Variants in FER1L6 observed in about 807,000 individuals in gnomAD.
FER1L6 encodes fer-1-like protein 6.
A neutral mutation model predicts 219.2 loss-of-function variants in FER1L6; 177 were observed. That is an observed-to-expected ratio of 0.81 (90% CI 0.71 to 0.91). The LOEUF (loss-of-function observed/expected upper bound fraction) is 0.91, where lower values mean the gene tolerates loss of function less well. FER1L6 is among the 40% of genes least tolerant of loss of function. FER1L6 has a pLI of 0.00. For synonymous variants in FER1L6, 768 were observed against 824.3 expected (o/e 0.93, Z 1.17); for missense variants, 2,153 against 2,259.9 (o/e 0.95, Z 0.96).
chr8:124,035,741 C>T (rs531040900), intron 19 of FER1L6, among the ~76,000 whole-genome samples: 5 of 152,160 alleles, frequency 3.3e-5, no homozygotes, highest in East Asian at 1.9e-4. Flanking sequence ...GTTGAGTTTG[C>T]GTTTTAAGCA....
At chr8:124,003,047 C>A in intron 12 of FER1L6, 120 bp from the exon 13 acceptor site, 1 of 760,076 alleles carries the variant, frequency 1.3e-6, no homozygotes, top group Non-Finnish European at 2.2e-6. Flanking sequence ...CTCTTTCTAC[C>A]TTCATAATGG....
At chr8:123,922,980 C>A (rs902423981) in intron 1 of FER1L6, among the ~76,000 whole-genome samples, 15 of 152,132 alleles carry the variant, frequency 9.9e-5, no homozygotes, top group Admixed American at 3.9e-4. Flanking sequence ...CAGCCCCCCC[C>A]CAGACCCCCA....
intron 1 of FER1L6, among the ~76,000 whole-genome samples, chr8:123,933,144 T>C (rs1813842771): frequency 6.6e-6 from 1 of 152,102 alleles, no homozygotes; most frequent in East Asian, 1.9e-4. Context: ...CTGTTCCCAC[T>C]CCATGGCTGG....
intron 1 of FER1L6, among the ~76,000 whole-genome samples, chr8:123,951,985 G>C (rs1814788752): frequency 6.6e-6 from 1 of 152,192 alleles, no homozygotes; most frequent in Admixed American, 6.5e-5. Context: ...TTCCAGAAGG[G>C]GAATCTGGTG....
At chr8:124,056,296 C>T (rs185352570) in intron 22 of FER1L6, among the ~76,000 whole-genome samples, 134 of 152,350 alleles carry the variant, frequency 8.8e-4, no homozygotes, top group African/African-American at 3.1e-3. Flanking sequence ...GGGGCCACTG[C>T]TATTTGGTCT....
intron 18 of FER1L6, among the ~76,000 whole-genome samples, chr8:124,030,612 T>G (rs184611509): frequency 9.5e-4 from 144 of 151,988 alleles, no homozygotes; most frequent in Non-Finnish European, 1.6e-3. Flanking sequence ...CTGGGCTGAG[T>G]CCACTCCTCA....
At chr8:123,924,839 G>C (rs1009027920) in intron 1 of FER1L6, 1 of 152,156 alleles carries the variant, frequency 6.6e-6, no homozygotes, top group Non-Finnish European at 1.5e-5. Context: ...CTCTTCACTT[G>C]GTTGCGTACT....
At chr8:124,011,910 A>C (rs752883324) in intron 14 of FER1L6, among the ~76,000 whole-genome samples, 1 of 152,002 alleles carries the variant, frequency 6.6e-6, no homozygotes, top group Non-Finnish European at 1.5e-5. Context: ...CGTGATAGCC[A>C]CTAAATAATT....
At chr8:123,904,023 G>C (rs183796851) in intron 1 of FER1L6, among the ~76,000 whole-genome samples, 6 of 152,282 alleles carry the variant, frequency 3.9e-5, no homozygotes, top group Admixed American at 3.3e-4. Flanking sequence ...TAACACAGAA[G>C]ACTTTAAGGC....
intron 1 of FER1L6, among the ~76,000 whole-genome samples, chr8:123,930,308 T>C (rs62518727): frequency 0.39 from 59,309 of 151,932 alleles, 12,201 homozygotes; most frequent in South Asian, 0.52. Flanking sequence ...ACATGTTGTC[T>C]ATCTCTATTT....
At chr8:124,003,120 C>A in intron 12 of FER1L6, 47 bp from the exon 13 acceptor site, 1 of 1,543,434 alleles carries the variant, frequency 6.5e-7, no homozygotes, top group Non-Finnish European at 8.9e-7. Flanking sequence ...CAGACTGATT[C>A]TGATTACCAC....
chr8:123,904,014 A>T (rs1812905545), intron 1 of FER1L6, among the ~76,000 whole-genome samples: 1 of 152,222 alleles, frequency 6.6e-6, no homozygotes. Context: ...TGGCAGTGAT[A>T]ACACAGAAGA....
intron 10 of FER1L6, among the ~76,000 whole-genome samples, chr8:123,978,681 A>G (rs1563721595): frequency 6.6e-6 from 1 of 152,210 alleles, no homozygotes; most frequent in Non-Finnish European, 1.5e-5. Context: ...ATACATTAAT[A>G]AATATATCAC....
chr8:124,089,287 T>TTTCTTTC (rs1821917876), intron 33 of FER1L6, among the ~76,000 whole-genome samples: 1 of 152,112 alleles, frequency 6.6e-6, no homozygotes, highest in Admixed American at 6.5e-5. Context: ...TGTGACAGGG[T>TTTCTTTC]AGCACTGAGT....
chr8:123,955,971 C>CTT (rs546308275), intron 1 of FER1L6, 21 bp from the exon 2 acceptor site: 3 of 1,575,520 alleles, frequency 1.9e-6, no homozygotes, highest in Admixed American at 1.8e-5. Flanking sequence ...TTTATTGTTT[C>CTT]TTTTTTTTTC....
intron 1 of FER1L6, among the ~76,000 whole-genome samples, chr8:123,954,954 G>A (rs781308597): frequency 8.5e-5 from 13 of 152,120 alleles, no homozygotes; most frequent in Non-Finnish European, 1.2e-4. Context: ...CCTGCATCAA[G>A]GCCAGGACTT....
At chr8:123,934,689 G>C (rs1813914293) in intron 1 of FER1L6, among the ~76,000 whole-genome samples, 1 of 152,036 alleles carries the variant, frequency 6.6e-6, no homozygotes, top group African/African-American at 2.4e-5. Flanking sequence ...TCATCTAATG[G>C]TTTTAGCCTC....
At chr8:124,070,647 G>T (rs370343617) in intron 30 of FER1L6, 49 bp downstream of exon 30, 2 of 1,494,880 alleles carry the variant, frequency 1.3e-6, no homozygotes, top group Non-Finnish European at 1.8e-6. Context: ...GTCCATAAAT[G>T]TCAGCTATGA....
At chr8:123,971,963 T>G (rs1033126687) in intron 6 of FER1L6, among the ~76,000 whole-genome samples, 3 of 152,230 alleles carry the variant, frequency 2.0e-5, no homozygotes, top group African/African-American at 7.2e-5. Context: ...CATCCTGTGT[T>G]ATTTAAAGAT....
Sources: gnomAD v4.1 joint callset for allele counts (sites outside exome capture counted in the v4.1 genomes callset) on GRCh38, gnomAD v4.1.1 for gene constraint, MANE v1.5 for transcripts, NCBI Gene and HGNC (gene_info 2026-07-23, HGNC 2026-07-21) for gene names.